The following PLEKHH1 variants were observed in gnomAD, a reference collection of about 807,000 sequenced individuals.
The protein encoded by PLEKHH1 is pleckstrin homology domain-containing family H member 1.
In PLEKHH1, 104 loss-of-function variants were observed where a neutral mutation model predicts 160.0. The ratio of observed to expected loss-of-function variants is 0.65; its 90% CI spans 0.55 to 0.76. The LOEUF (loss-of-function observed/expected upper bound fraction) is 0.76, where lower values mean the gene tolerates loss of function less well. Ranked by LOEUF, PLEKHH1 falls within the 30% of genes least tolerant of loss-of-function variation. The pLI, the probability that PLEKHH1 is intolerant of heterozygous loss-of-function variation, is 0.00. For synonymous variants in PLEKHH1, 619 were observed against 678.4 expected (o/e 0.91, Z 1.36); for missense variants, 1,427 against 1,724.1 (o/e 0.83, Z 3.05).
At chr14:67,543,795 A>G (rs2034068849) in intron 2 of PLEKHH1, among the ~76,000 whole-genome samples, 1 of 151,864 alleles carries the variant, frequency 6.6e-6, no homozygotes, top group South Asian at 2.1e-4. Flanking sequence ...AAAAAAACCC[A>G]CTATGAATCA....
chr14:67,563,915 T>G (rs1454911246), intron 7 of PLEKHH1, among the ~76,000 whole-genome samples: 1 of 151,026 alleles, frequency 6.6e-6, no homozygotes, highest in Non-Finnish European at 1.5e-5. Flanking sequence ...TTTTTTTTTT[T>G]TTCTGAGACA....
At chr14:67,564,224 A>G (rs972050903) in intron 7 of PLEKHH1, among the ~76,000 whole-genome samples, 1 of 151,756 alleles carries the variant, frequency 6.6e-6, no homozygotes, top group Non-Finnish European at 1.5e-5. Flanking sequence ...GCTAGTCTCA[A>G]AGTCCTGACC....
intron 7 of PLEKHH1, among the ~76,000 whole-genome samples, chr14:67,566,619 A>G (rs1481031226): frequency 2.0e-5 from 3 of 152,112 alleles, no homozygotes; most frequent in South Asian, 4.1e-4. Context: ...ATGGTGGCAC[A>G]TGCCGGTAGT....
chr14:67,575,484 C>T lies in PLEKHH1; in HGVS notation c.2169+12C>T. The T allele has an allele frequency of 6.5e-7, 1 of 1,544,286 alleles. No individual in the cohort carries two copies. On this transcript the variant is annotated intron_variant, in intron 15 of 28. Coordinates refer to ENST00000329153, the MANE Select transcript of PLEKHH1 (RefSeq NM_020715.3). ...GCCATGAGGACAAGGTACTTCTCAG[C>T]CTCCTCACAATACCCACTCTCCTGC...
chr14:67,569,854 C>G, intron 8 of PLEKHH1, 67 bp from the exon 9 acceptor site: 1 of 1,014,018 alleles, frequency 9.9e-7, no homozygotes, highest in South Asian at 1.4e-5. Flanking sequence ...GCCCAGTTCT[C>G]TGCTTCCCCC....
chr14:67,547,296 C>T (rs992343155), intron 2 of PLEKHH1, among the ~76,000 whole-genome samples: 1 of 152,164 alleles, frequency 6.6e-6, no homozygotes, highest in Admixed American at 6.5e-5. Flanking sequence ...GACCTCTTGG[C>T]AGGAAATCTT....
intron 4 of PLEKHH1, among the ~76,000 whole-genome samples, chr14:67,558,975 A>T (rs1251925015): frequency 6.6e-6 from 1 of 152,236 alleles, no homozygotes; most frequent in African/African-American, 2.4e-5. Context: ...GGAGGACTGG[A>T]TGTGGCCTGA....
rs916406302 is a variant in PLEKHH1 at position 67,574,797 on chromosome 14, T to C, written c.2088+394T>C. ...TATCCCAGGCCTGCCCTAAAGACATTTTTGTTAGGGCTCTTCTGGTTGAAC... is the reference window on the plus strand; with the variant it reads ...TATCCCAGGCCTGCCCTAAAGACATCTTTGTTAGGGCTCTTCTGGTTGAAC... On this transcript the variant is annotated intron_variant, in intron 14 of 28. Coordinates refer to ENST00000329153, the MANE Select transcript of PLEKHH1 (RefSeq NM_020715.3). The surrounding 1 kb of genome is among the most constrained non-coding windows in gnomAD (Gnocchi z 4.2). Among the ~76,000 whole-genome samples, 2 of 152,060 alleles carry C rather than the reference T, an allele frequency of 1.3e-5. No homozygotes were observed. Among genetic ancestry groups the C allele is most frequent in the African/African-American group, 2.4e-5 (1 of 41,386 alleles).
intron 1 of PLEKHH1, among the ~76,000 whole-genome samples, chr14:67,538,777 G>A (rs916250146): frequency 4.6e-5 from 7 of 152,110 alleles, no homozygotes; most frequent in Admixed American, 6.6e-5. Flanking sequence ...CATCCCCAAG[G>A]CAGGGAGAGG....
At position 67,541,828 on chromosome 14, in the gene PLEKHH1, T is replaced by G. The variant is rs752570305; in HGVS notation, c.-34-6T>G. On this transcript the variant is annotated splice_region_variant and splice_polypyrimidine_tract_variant and intron_variant, in intron 1 of 28. Coordinates refer to ENST00000329153, the MANE Select transcript of PLEKHH1 (RefSeq NM_020715.3). Reference sequence around the variant, plus strand: ...TCTTTTCCTCTTTCTGCATGCTGGTTCTTAGGGCTCCCCAGAATAATCCAG... The same window carrying G: ...TCTTTTCCTCTTTCTGCATGCTGGTGCTTAGGGCTCCCCAGAATAATCCAG... The G allele has an allele frequency of 6.5e-7, 1 of 1,537,732 alleles. No individual in the cohort carries two copies. The highest frequency in any genetic ancestry group is 8.8e-7 in the Non-Finnish European group (1 of 1,141,020).
chr14:67,537,373 TAATAATAAA>T lies in PLEKHH1; in HGVS notation c.-35+3978_-35+3986del, dbSNP rs1412828176. On this transcript the variant is annotated intron_variant, in intron 1 of 28. Transcript: ENST00000329153. ...ATAATAATAATAATAATAATAATAA[TAATAATAAA>T]AACTTAATCTTAGGCTGGGCGCAGT... Among the ~76,000 whole-genome samples the T allele has an allele frequency of 4.8e-3, 662 of 136,950 alleles. 19 individuals carry two copies. Among genetic ancestry groups the T allele is most frequent in the African/African-American group, 0.017 (617 of 35,876 alleles). The allele number at this position is 136,950 out of a possible 152,430, so 89.8% of individuals were successfully genotyped here.
rs1393910489 is a variant in PLEKHH1, at chr14:67,573,830, A to G, written c.1869A>G (p.Gln623=). 1 of 1,613,728 alleles carries G rather than the reference A, an allele frequency of 6.2e-7. No individual in the cohort carries two copies. The highest frequency in any genetic ancestry group is 1.3e-5 in the African/African-American group (1 of 75,066). Residue 623 remains glutamine (Q), a synonymous_variant, in exon 13 of 29, where the codon CAA becomes CAG. Transcript: ENST00000329153. The surrounding 1 kb of genome is among the most constrained non-coding windows in gnomAD (Gnocchi z 4.8). ...ATGTCATCCGGAAACCTCAAGGCCA[A>G]GTGGATCTGAACTCCCGCTGCCAAA... ...PSDVIRKPQG[Q]VDLNSRCQIV... is the part of the protein sequence containing the mutation.
At chr14:67,565,893 G>A (rs566817296) in intron 7 of PLEKHH1, among the ~76,000 whole-genome samples, 3 of 152,300 alleles carry the variant, frequency 2.0e-5, no homozygotes, top group Admixed American at 6.5e-5. Context: ...GCTGAGGCAG[G>A]CAGATCACTT....
intron 8 of PLEKHH1, 102 bp downstream of exon 8, chr14:67,569,318 C>T (rs543085006): frequency 7.9e-6 from 6 of 756,188 alleles, no homozygotes; most frequent in East Asian, 5.1e-5. Context: ...CCAGGGTTGG[C>T]TGGCCTACCC....
Position 67,541,860 on chromosome 14 carries a change from A to G in PLEKHH1, c.-8A>G. 6.3e-7 allele frequency: 1 copy of G among 1,589,448 alleles called. No individual in the cohort carries two copies. The highest frequency in any genetic ancestry group is 8.6e-7 in the Non-Finnish European group (1 of 1,168,424). On this transcript the variant is annotated 5_prime_UTR_variant, in exon 2 of 29. Coordinates refer to ENST00000329153, the MANE Select transcript of PLEKHH1 (RefSeq NM_020715.3). ...GCTCCCCAGAATAATCCAGAAGTCG[A>G]TTCCATCATGGCAGAACTCAAGGTG...
intron 7 of PLEKHH1, chr14:67,568,893 TAAATGCTTATGTTA>T: frequency 2.1e-6 from 1 of 477,280 alleles, no homozygotes; most frequent in Non-Finnish European, 3.8e-6. Context: ...TTCCAGGTGT[TAAATGCTTATGTTA>T]AGTATTTCAT....
intron 3 of PLEKHH1, among the ~76,000 whole-genome samples, chr14:67,556,279 T>A (rs1028887027): frequency 6.6e-6 from 1 of 152,134 alleles, no homozygotes; most frequent in African/African-American, 2.4e-5. Context: ...GCCTTCTTGG[T>A]TGCCATGGCA....
intron 7 of PLEKHH1, among the ~76,000 whole-genome samples, chr14:67,568,320 T>C (rs574529819): frequency 6.6e-6 from 1 of 151,944 alleles, no homozygotes; most frequent in South Asian, 2.1e-4. Context: ...TGGAAGCCAT[T>C]ATCTTCAGCA....
At position 67,569,207 on chromosome 14, in the gene PLEKHH1, G is replaced by A. The variant is rs376867294; in HGVS notation, c.1333G>A (p.Ala445Thr). The change falls in exon 8 of 29, where the codon GCA (alanine) becomes ACA (threonine). Residue 445 changes from alanine (A) to threonine (T), a missense_variant. Physicochemically the swap from Ala to Thr is moderately conservative, Grantham distance 58. Around this residue, in one of 6 missense-constraint regions of PLEKHH1, gnomAD observed 831 missense variants for 929.2 expected, o/e 0.89. Transcript: ENST00000329153. Reference protein sequence around the residue: ...LSDMSPRSNTACCASSPPALV... With the variant: ...LSDMSPRSNTTCCASSPPALV... ...AGATATGTCTCCCAGAAGTAATACT[G>A]CATGCTGCGGTGAGTTCCAAGTGAG... 1 of 1,610,052 alleles carries A rather than the reference G, an allele frequency of 6.2e-7. No individual in the cohort carries two copies. The highest frequency in any genetic ancestry group is 2.2e-5 in the East Asian group (1 of 44,864).
Sources: gnomAD v4.1 joint callset for allele counts (sites outside exome capture counted in the v4.1 genomes callset) on GRCh38, gnomAD v4.1.1 for gene constraint, gnomAD v4.1.1 regional missense constraint, Gnocchi (gnomAD v3.1) non-coding constraint, MANE v1.5 for transcripts, NCBI Gene and HGNC (gene_info 2026-07-23, HGNC 2026-07-21) for gene names.